GFRA1: variants seen among roughly 807,000 people sequenced by gnomAD.
GFRA1 encodes the protein GDNF family receptor alpha 1, also known as GDNF family receptor alpha-1.
In GFRA1, 16 loss-of-function variants were observed where a neutral mutation model predicts 51.6. The ratio of observed to expected loss-of-function variants is 0.31; its 90% CI spans 0.21 to 0.47. The LOEUF (loss-of-function observed/expected upper bound fraction) is 0.47. GFRA1 is among the 20% of genes least tolerant of loss of function. The pLI is 1.00. For synonymous variants in GFRA1, 270 were observed against 241.3 expected (o/e 1.12, Z -1.10); for missense variants, 530 against 594.3 (o/e 0.89, Z 1.13).
At chr10:116,099,276 C>T (rs916388169) in intron 6 of GFRA1, among the ~76,000 whole-genome samples, 5 of 152,156 alleles carry the variant, frequency 3.3e-5, no homozygotes, top group Non-Finnish European at 5.9e-5. Flanking sequence ...ATTTACACCA[C>T]GGTAACCAGC....
intron 6 of GFRA1, among the ~76,000 whole-genome samples, chr10:116,115,760 A>G (rs1433082272): frequency 1.3e-5 from 2 of 152,168 alleles, no homozygotes; most frequent in Non-Finnish European, 2.9e-5. Context: ...AGAAAAAAAA[A>G]TGATCATGAA....
upstream of GFRA1, among the ~76,000 whole-genome samples, chr10:116,274,199 C>T (rs1252810377): frequency 6.7e-6 from 1 of 148,868 alleles, no homozygotes; most frequent in African/African-American, 2.4e-5. Context: ...CTCCCCTTCC[C>T]GCACGCCGGG....
intron 5 of GFRA1, among the ~76,000 whole-genome samples, chr10:116,211,271 G>A (rs535198258): frequency 4.5e-4 from 68 of 152,296 alleles, no homozygotes; most frequent in African/African-American, 1.6e-3. Context: ...GGATGCAGGA[G>A]CCCCAACGGA....
chr10:116,173,705 A>G (rs1405334880), intron 5 of GFRA1, among the ~76,000 whole-genome samples: 1 of 152,220 alleles, frequency 6.6e-6, no homozygotes, highest in Non-Finnish European at 1.5e-5. Flanking sequence ...GCTGCCTTAA[A>G]TACCAACTCA....
rs200058790 is a variant in GFRA1 at position 116,137,778 on chromosome 10, AG to A, written c.434-12222del. Among the ~76,000 whole-genome samples, 522 of 152,260 alleles carry A rather than the reference AG, an allele frequency of 3.4e-3. 6 individuals carry two copies. The highest frequency in any genetic ancestry group is 0.012 in the African/African-American group (500 of 41,548). The stretch of plus-strand genomic sequence containing the variant: ...AGAAGAAATGTCCATCTTAATAGTC[AG>A]ATATGTGAATTCTGGGCTCTGTGTA... On this transcript the variant is annotated intron_variant, in intron 5 of 10. Coordinates refer to ENST00000355422, the MANE Select transcript of GFRA1 (RefSeq NM_005264.8).
At chr10:116,145,254 G>A (rs1958752024) in intron 5 of GFRA1, among the ~76,000 whole-genome samples, 1 of 151,102 alleles carries the variant, frequency 6.6e-6, no homozygotes, top group African/African-American at 2.4e-5. Flanking sequence ...AAAGATAGAT[G>A]GACTCACAAA....
In GFRA1 at chr10:116,192,488, C is replaced by T. The variant is rs541305056; in HGVS notation, c.433+19143G>A. The stretch of plus-strand genomic sequence containing the variant: ...GGGGTCATTCCAAATCACATCAACA[C>T]GATTCATGGCCTGGTGAAGGGTGAA... On this transcript the variant is annotated intron_variant, in intron 5 of 10. Coordinates refer to ENST00000355422, the MANE Select transcript of GFRA1 (RefSeq NM_005264.8). Among the ~76,000 whole-genome samples the T allele has an allele frequency of 3.1e-4, 47 of 152,288 alleles. 1 individual carries two copies. The highest frequency in any genetic ancestry group is 9.6e-4 in the African/African-American group (40 of 41,560).
intron 5 of GFRA1, among the ~76,000 whole-genome samples, chr10:116,186,297 A>G (rs910141839): frequency 1.3e-5 from 2 of 152,202 alleles, no homozygotes; most frequent in African/African-American, 4.8e-5. Flanking sequence ...TTTGTGTTTC[A>G]CCAATGGTGA....
chr10:116,240,018 G>A (rs1967222538), intron 4 of GFRA1, among the ~76,000 whole-genome samples: 1 of 152,046 alleles, frequency 6.6e-6, no homozygotes, highest in South Asian at 2.1e-4. Flanking sequence ...TTCACAGAGG[G>A]AGAAAGGATA....
At chr10:116,162,484 T>C (rs546221931) in intron 5 of GFRA1, among the ~76,000 whole-genome samples, 1 of 152,108 alleles carries the variant, frequency 6.6e-6, no homozygotes, top group Non-Finnish European at 1.5e-5. Flanking sequence ...GGCTCTGGGG[T>C]CCCTTCTTGC....
Position 116,061,923 on chromosome 10 carries a change from G to T in GFRA1, c.*2475C>A. The T allele has an allele frequency of 2.5e-6, 1 of 398,412 alleles. No homozygotes were observed. The highest frequency in any genetic ancestry group is 3.6e-5 in the East Asian group (1 of 28,070). 24.7% of individuals were successfully genotyped at this position (398,412 alleles called of 1,614,324 possible). On this transcript the variant is annotated 3_prime_UTR_variant, in exon 11 of 11. Coordinates refer to ENST00000355422, the MANE Select transcript of GFRA1 (RefSeq NM_005264.8). ...TTGATAAGAATCTCTCTAACGTGTT[G>T]TCCCTGAACAAGATGCTTCCCCCTA...
intron 5 of GFRA1, among the ~76,000 whole-genome samples, chr10:116,195,069 A>G (rs1190993003): frequency 6.6e-6 from 1 of 152,186 alleles, no homozygotes; most frequent in Non-Finnish European, 1.5e-5. Flanking sequence ...TGTTTCAGTA[A>G]AACTTTATTT....
chr10:116,198,436 A>T (rs2420127), intron 5 of GFRA1, among the ~76,000 whole-genome samples: 60,897 of 152,162 alleles, frequency 0.4, 13,329 homozygotes, highest in South Asian at 0.51. Context: ...CGGCTGTTTA[A>T]TAAGGAAAAA....
chr10:116,153,447 C>T (rs1028629070), intron 5 of GFRA1, among the ~76,000 whole-genome samples: 4 of 152,210 alleles, frequency 2.6e-5, no homozygotes, highest in African/African-American at 4.8e-5. Context: ...TGCAGAGCAA[C>T]AGGCTTTGTC....
chr10:116,109,229 G>A (rs2694800), intron 6 of GFRA1, among the ~76,000 whole-genome samples: 1 of 151,976 alleles, frequency 6.6e-6, no homozygotes, highest in African/African-American at 2.4e-5. Flanking sequence ...GAAAGAAGCC[G>A]CAGCTTCTTG....
chr10:116,075,960 G>A (rs1955601774), intron 9 of GFRA1, among the ~76,000 whole-genome samples: 1 of 151,810 alleles, frequency 6.6e-6, no homozygotes, highest in Admixed American at 6.6e-5. Flanking sequence ...TAGCCAAGAT[G>A]GTCTCGATCT....
At chr10:116,229,791 G>A (rs1966567011) in intron 4 of GFRA1, among the ~76,000 whole-genome samples, 1 of 152,210 alleles carries the variant, frequency 6.6e-6, no homozygotes, top group African/African-American at 2.4e-5. Context: ...GGAAGGCTGG[G>A]TGGTGGGAGG....
chr10:116,214,120 G>C (rs1303497723), intron 4 of GFRA1, among the ~76,000 whole-genome samples: 1 of 6,384 alleles, frequency 1.6e-4, no homozygotes, highest in Non-Finnish European at 0.011. Flanking sequence ...ACCTGCGCTT[G>C]CTTCTGGAAC....
chr10:116,115,284 G>A (rs1957368655), intron 6 of GFRA1, among the ~76,000 whole-genome samples: 2 of 152,086 alleles, frequency 1.3e-5, no homozygotes, highest in African/African-American at 4.8e-5. Context: ...CTCCCTGGGT[G>A]GAGCAGGACT....
Sources: allele counts gnomAD v4.1 joint callset (sites outside exome capture counted in the v4.1 genomes callset), GRCh38; gene constraint gnomAD v4.1.1; transcripts MANE v1.5; gene names NCBI Gene and HGNC (gene_info 2026-07-23, HGNC 2026-07-21).